SHISA9: variants seen among roughly 807,000 people sequenced by gnomAD.
SHISA9 encodes protein shisa-9.
SHISA9 carries 13 observed loss-of-function variants against 38.0 expected under a neutral mutation model. The ratio of observed to expected loss-of-function variants is 0.34; its 90% CI spans 0.22 to 0.54. SHISA9 has a LOEUF of 0.54. SHISA9 is among the 20% of genes least tolerant of loss of function. The probability of loss-of-function intolerance (pLI) is 0.91; values close to 1 mark genes in which losing one functional copy is unlikely to be tolerated. For synonymous variants in SHISA9, 275 were observed against 242.0 expected, an observed-to-expected ratio of 1.14 and a Z score of -1.27; for missense variants, 538 against 575.8, an observed-to-expected ratio of 0.93 and a Z score of 0.67.
chr16:13,184,875 A>T lies in SHISA9; in HGVS notation c.692-18519A>T, dbSNP rs185790340. Among the ~76,000 whole-genome samples the T allele has an allele frequency of 1.5e-3, 233 of 152,342 alleles. 1 individual carries two copies. Among genetic ancestry groups the T allele is most frequent in the Non-Finnish European group, 5.4e-4 (37 of 68,030 alleles). ...TTTGTATTGTGCTCAGTTTTTGGCAATTATGAATAAATCCACTTTAAACAT... is the reference window on the plus strand; with the variant it reads ...TTTGTATTGTGCTCAGTTTTTGGCATTTATGAATAAATCCACTTTAAACAT... On this transcript the variant is annotated intron_variant, in intron 2 of 4. Coordinates refer to ENST00000558583, the MANE Select transcript of SHISA9 (RefSeq NM_001145204.3).
the SHISA9 span, among the ~76,000 whole-genome samples, chr16:13,489,870 G>T: frequency 6.6e-6 from 1 of 152,288 alleles, no homozygotes; most frequent in East Asian, 1.9e-4. Context: ...TCACAGTGCA[G>T]GTAAGTAGCA....
At chr16:13,075,511 C>T (rs1026769239) in intron 2 of SHISA9, among the ~76,000 whole-genome samples, 7 of 152,128 alleles carry the variant, frequency 4.6e-5, no homozygotes, top group African/African-American at 1.7e-4. Flanking sequence ...ACGCAGCAGG[C>T]TGGGAGGAAT....
downstream of SHISA9, among the ~76,000 whole-genome samples, chr16:13,242,193 A>C (rs1401739132): frequency 2.0e-5 from 3 of 152,226 alleles, no homozygotes; most frequent in Non-Finnish European, 4.4e-5. Flanking sequence ...AAGTGGTAGA[A>C]CTGGGATTTG....
the SHISA9 span, among the ~76,000 whole-genome samples, chr16:13,262,364 C>G: frequency 6.6e-6 from 1 of 152,164 alleles, no homozygotes; most frequent in South Asian, 2.1e-4. Flanking sequence ...ATCCACAGCT[C>G]TCTTATAAGC....
chr16:12,959,722 C>T (rs901891435), intron 2 of SHISA9, among the ~76,000 whole-genome samples: 3 of 152,142 alleles, frequency 2.0e-5, no homozygotes, highest in Admixed American at 6.6e-5. Flanking sequence ...AACTGCCATG[C>T]TCGAGATGAC....
At chr16:13,459,101 A>G in the SHISA9 span, among the ~76,000 whole-genome samples, 29,246 of 151,718 alleles carry the variant, frequency 0.19, 2,979 homozygotes, top group East Asian at 0.35. Flanking sequence ...TGAGCCACCC[A>G]CCTCGGCCTC....
chr16:13,030,661 T>C (rs1031238526), intron 2 of SHISA9, among the ~76,000 whole-genome samples: 11 of 152,214 alleles, frequency 7.2e-5, no homozygotes, highest in African/African-American at 2.7e-4. Context: ...ACAGCAACAT[T>C]GTATAGTGTC....
At chr16:13,231,135 C>T (rs1596753595) in intron 4 of SHISA9, among the ~76,000 whole-genome samples, 1 of 152,328 alleles carries the variant, frequency 6.6e-6, no homozygotes, top group East Asian at 1.9e-4. Flanking sequence ...CTCTGGTTCA[C>T]ATGCCTCTGA....
At chr16:13,497,836 G>A in the SHISA9 span, among the ~76,000 whole-genome samples, 1,442 of 152,056 alleles carry the variant, frequency 9.5e-3, 21 homozygotes, top group African/African-American at 0.033. Flanking sequence ...AAGATAAATG[G>A]TGCTGGGACA....
intron 2 of SHISA9, among the ~76,000 whole-genome samples, chr16:13,125,221 A>G (rs910272143): frequency 1.3e-5 from 2 of 152,244 alleles, no homozygotes; most frequent in African/African-American, 4.8e-5. Context: ...TATCCTTCTG[A>G]CAAGGGATTA....
chr16:13,136,623 C>G (rs578222090), intron 2 of SHISA9, among the ~76,000 whole-genome samples: 2 of 152,080 alleles, frequency 1.3e-5, no homozygotes, highest in Non-Finnish European at 2.9e-5. Flanking sequence ...TGGTCTCAAA[C>G]TCCTGACCTC....
chr16:12,937,066 C>T (rs2071544299), intron 2 of SHISA9, among the ~76,000 whole-genome samples: 1 of 152,080 alleles, frequency 6.6e-6, no homozygotes, highest in African/African-American at 2.4e-5. Context: ...CAGCTCCTTC[C>T]CCTGTGTTGT....
At chr16:12,994,640 C>T (rs2072435183) in intron 2 of SHISA9, among the ~76,000 whole-genome samples, 1 of 152,144 alleles carries the variant, frequency 6.6e-6, no homozygotes, top group Non-Finnish European at 1.5e-5. Context: ...CCCAGCAGAA[C>T]TATAGTTGAC....
intron 2 of SHISA9, among the ~76,000 whole-genome samples, chr16:13,076,493 C>T (rs2073584391): frequency 6.6e-6 from 1 of 152,132 alleles, no homozygotes. Context: ...CTTTCCCCCA[C>T]CCTCTGTCTT....
chr16:13,399,331 C>T, the SHISA9 span, among the ~76,000 whole-genome samples: 4 of 152,074 alleles, frequency 2.6e-5, no homozygotes, highest in South Asian at 8.4e-4. Context: ...ACAGTTTAGT[C>T]CTGAAACAAA....
the SHISA9 span, among the ~76,000 whole-genome samples, chr16:13,436,145 C>T: frequency 6.6e-6 from 1 of 152,178 alleles, no homozygotes; most frequent in Non-Finnish European, 1.5e-5. Context: ...CTGAAACCTA[C>T]TGGGCTGCAT....
chr16:13,376,327 G>A, the SHISA9 span, among the ~76,000 whole-genome samples: 19 of 152,162 alleles, frequency 1.2e-4, no homozygotes. Flanking sequence ...ATAATTTGGA[G>A]GTCTAGTCAC....
At chr16:13,552,679 G>C in the SHISA9 span, among the ~76,000 whole-genome samples, 1 of 152,136 alleles carries the variant, frequency 6.6e-6, no homozygotes. Context: ...ACCGGCCCAG[G>C]GGGTGGTGGA....
At chr16:13,027,875 C>G (rs926919933) in intron 2 of SHISA9, among the ~76,000 whole-genome samples, 1 of 138,296 alleles carries the variant, frequency 7.2e-6, no homozygotes, top group Non-Finnish European at 1.5e-5. Context: ...TGTAGTGAGC[C>G]GAGACCACGC....
Sources: gnomAD v4.1 joint callset for allele counts (sites outside exome capture counted in the v4.1 genomes callset) on GRCh38, gnomAD v4.1.1 for gene constraint, MANE v1.5 for transcripts, NCBI Gene and HGNC (gene_info 2026-07-23, HGNC 2026-07-21) for gene names.